Variants in CTNNA2 observed in about 807,000 individuals in gnomAD.
CTNNA2 encodes catenin alpha 2.
In CTNNA2, 42 loss-of-function variants were observed where a neutral mutation model predicts 101.0. The observed-to-expected ratio is 0.42, with a 90% CI of 0.32 to 0.54. CTNNA2 has a LOEUF of 0.54. Ranked by LOEUF, CTNNA2 falls within the 20% of genes least tolerant of loss-of-function variation. The pLI is 0.14. For synonymous variants in CTNNA2, 450 were observed against 456.4 expected, an observed-to-expected ratio of 0.99 and a Z score of 0.18; for missense variants, 871 against 1,223.1, an observed-to-expected ratio of 0.71 and a Z score of 4.29.
At chr2:80,364,965 G>C (rs562914224) in intron 7 of CTNNA2, among the ~76,000 whole-genome samples, 29 of 152,242 alleles carry the variant, frequency 1.9e-4, no homozygotes, top group African/African-American at 7.0e-4. Flanking sequence ...GTAACAGCTC[G>C]ATTTAGTGGC....
chr2:80,248,751 C>T (rs1436974804), intron 7 of CTNNA2, among the ~76,000 whole-genome samples: 1 of 152,058 alleles, frequency 6.6e-6, no homozygotes, highest in Non-Finnish European at 1.5e-5. Context: ...GCAAATATGT[C>T]TCTAGGACAT....
At chr2:80,447,845 G>A (rs943736977) in intron 9 of CTNNA2, among the ~76,000 whole-genome samples, 1 of 152,194 alleles carries the variant, frequency 6.6e-6, no homozygotes, top group Admixed American at 6.5e-5. Flanking sequence ...CATATTTAGG[G>A]ATGAAGATGA....
intron 8 of CTNNA2, among the ~76,000 whole-genome samples, chr2:80,395,918 C>T (rs1677971343): frequency 6.6e-6 from 1 of 152,172 alleles, no homozygotes; most frequent in Non-Finnish European, 1.5e-5. Context: ...TGACATCCAT[C>T]ATGTCCCGCT....
intron 2 of CTNNA2, among the ~76,000 whole-genome samples, chr2:79,308,217 T>G (rs936120742): frequency 2.6e-5 from 4 of 152,180 alleles, no homozygotes; most frequent in Admixed American, 6.5e-5. Context: ...GCTAATTTTT[T>G]CTATTTTCTG....
chr2:79,582,377 A>G (rs1028162663), intron 1 of CTNNA2, among the ~76,000 whole-genome samples: 3 of 152,188 alleles, frequency 2.0e-5, no homozygotes, highest in Non-Finnish European at 4.4e-5. Flanking sequence ...ATTACCTACC[A>G]TATACATATC....
At chr2:79,485,352 G>T (rs1671147382) in intron 4 of CTNNA2, among the ~76,000 whole-genome samples, 1 of 152,174 alleles carries the variant, frequency 6.6e-6, no homozygotes, top group Admixed American at 6.5e-5. Flanking sequence ...AGGAGCTTTT[G>T]AAGATTCACT....
At chr2:79,500,101 C>A (rs1671303461) in intron 4 of CTNNA2, among the ~76,000 whole-genome samples, 1 of 152,312 alleles carries the variant, frequency 6.6e-6, no homozygotes, top group East Asian at 1.9e-4. Context: ...CCAAAAATAT[C>A]TTTCATGTTG....
At chr2:79,762,381 ATCC>A (rs1672851902) in intron 3 of CTNNA2, among the ~76,000 whole-genome samples, 1 of 152,120 alleles carries the variant, frequency 6.6e-6, no homozygotes, top group Non-Finnish European at 1.5e-5. Flanking sequence ...CTTCAAGAAA[ATCC>A]TCCTGGTTTT....
chr2:79,946,050 G>A (rs1688471037), intron 7 of CTNNA2, among the ~76,000 whole-genome samples: 1 of 152,086 alleles, frequency 6.6e-6, no homozygotes, highest in Admixed American at 6.5e-5. Context: ...AATATTCTAG[G>A]CAGAAGGAAG....
intron 11 of CTNNA2, among the ~76,000 whole-genome samples, chr2:80,551,728 A>G (rs1447192341): frequency 6.6e-6 from 1 of 152,148 alleles, no homozygotes; most frequent in East Asian, 1.9e-4. Context: ...GGCCGATATG[A>G]TCTTCTATTT....
chr2:80,042,053 C>T (rs1429924082), intron 7 of CTNNA2, among the ~76,000 whole-genome samples: 1 of 152,220 alleles, frequency 6.6e-6, no homozygotes, highest in Non-Finnish European at 1.5e-5. Context: ...CAACCTTCAC[C>T]TCCCAGGTTC....
chr2:79,486,229 C>T (rs1671156206), intron 4 of CTNNA2, among the ~76,000 whole-genome samples: 1 of 145,544 alleles, frequency 6.9e-6, no homozygotes, highest in Non-Finnish European at 1.5e-5. Context: ...CCCCCCTTCC[C>T]CCACCCCACA....
At chr2:79,308,763 C>A (rs1206935775) in intron 2 of CTNNA2, among the ~76,000 whole-genome samples, 3 of 146,222 alleles carry the variant, frequency 2.1e-5, no homozygotes, top group Non-Finnish European at 4.5e-5. Context: ...TTCAAATCCA[C>A]TAAATGTTTC....
chr2:79,436,250 G>A (rs1678712450), intron 4 of CTNNA2, among the ~76,000 whole-genome samples: 1 of 152,192 alleles, frequency 6.6e-6, no homozygotes, highest in African/African-American at 2.4e-5. Context: ...TCAAACAGGA[G>A]GAGGACAAAT....
At chr2:79,321,582 T>C (rs1676624400) in intron 3 of CTNNA2, among the ~76,000 whole-genome samples, 1 of 152,226 alleles carries the variant, frequency 6.6e-6, no homozygotes, top group South Asian at 2.1e-4. Context: ...AACTCCTTCA[T>C]AGATGCTTTC....
At chr2:80,285,238 G>A (rs1438991842) in intron 7 of CTNNA2, among the ~76,000 whole-genome samples, 1 of 152,170 alleles carries the variant, frequency 6.6e-6, no homozygotes, top group African/African-American at 2.4e-5. Context: ...TAGATTGCCA[G>A]TAGCATCTAC....
intron 2 of CTNNA2, among the ~76,000 whole-genome samples, chr2:79,298,058 G>A (rs913568937): frequency 3.9e-5 from 6 of 152,130 alleles, no homozygotes; most frequent in Admixed American, 6.6e-5. Context: ...GGCCCATTTT[G>A]CATTGCTATA....
At chr2:79,752,989 AG>A (rs1242620767) in intron 3 of CTNNA2, among the ~76,000 whole-genome samples, 1 of 152,222 alleles carries the variant, frequency 6.6e-6, no homozygotes, top group Non-Finnish European at 1.5e-5. Flanking sequence ...AAAAAGTAAG[AG>A]CAAAAGCAGA....
At position 80,647,938 on chromosome 2, in the gene CTNNA2, T is replaced by A; in HGVS notation, c.*66T>A. 1 of 1,461,878 alleles carries A rather than the reference T, an allele frequency of 6.8e-7. No individual in the cohort carries two copies. 90.6% of individuals were successfully genotyped at this position (1,461,878 alleles called of 1,614,324 possible). On this transcript the variant is annotated 3_prime_UTR_variant, in exon 19 of 19. Transcript: ENST00000402739. Reference sequence around the variant, plus strand: ...TTCTTTCTTTTTCTTTTTAATTCCATTTTTGTATGCATACCTGCCAGCTCG... The same window carrying A: ...TTCTTTCTTTTTCTTTTTAATTCCAATTTTGTATGCATACCTGCCAGCTCG...
Sources: allele counts gnomAD v4.1 joint callset (sites outside exome capture counted in the v4.1 genomes callset), GRCh38; gene constraint gnomAD v4.1.1; transcripts MANE v1.5; gene names NCBI Gene and HGNC (gene_info 2026-07-23, HGNC 2026-07-21).